The following LRP1B variants were observed in gnomAD, a reference collection of about 807,000 sequenced individuals.
LRP1B encodes the protein LDL receptor related protein 1B, also known as low-density lipoprotein receptor-related protein 1B.
Under a neutral mutation model 556.6 loss-of-function variants are expected in LRP1B, and 217 were observed. The observed-to-expected ratio is 0.39, with a 90% CI of 0.35 to 0.44. The LOEUF (loss-of-function observed/expected upper bound fraction) is 0.44. LRP1B is among the 20% of genes least tolerant of loss of function. The pLI, the probability that LRP1B is intolerant of heterozygous loss-of-function variation, is 1.00. For missense variants in LRP1B, 5,053 were observed against 5,620.8 expected, an observed-to-expected ratio of 0.90 and a Z score of 3.23; for synonymous variants, 2,047 against 1,865.8, an observed-to-expected ratio of 1.10 and a Z score of -2.50.
intron 7 of LRP1B, among the ~76,000 whole-genome samples, chr2:141,115,319 T>C (rs1001363665): frequency 6.6e-5 from 10 of 152,100 alleles, no homozygotes; most frequent in African/African-American, 2.4e-4. Flanking sequence ...GTGATAGGAA[T>C]AGACAAGGAT....
intron 1 of LRP1B, among the ~76,000 whole-genome samples, chr2:142,073,328 A>G (rs905923778): frequency 2.0e-5 from 3 of 152,046 alleles, no homozygotes; most frequent in African/African-American, 7.2e-5. Context: ...ATAGAGACCA[A>G]ATGTAAAATG....
At chr2:141,642,895 A>G (rs1274917842) in intron 2 of LRP1B, among the ~76,000 whole-genome samples, 1 of 152,152 alleles carries the variant, frequency 6.6e-6, no homozygotes, top group Non-Finnish European at 1.5e-5. Flanking sequence ...GGTTTATGCC[A>G]AATACAAGCT....
intron 2 of LRP1B, among the ~76,000 whole-genome samples, chr2:141,757,454 TA>T (rs1197695675): frequency 6.6e-6 from 1 of 152,132 alleles, no homozygotes; most frequent in Non-Finnish European, 1.5e-5. Context: ...AATGTTTGAG[TA>T]ATACAAAATG....
At chr2:141,191,435 T>C (rs1681500798) in intron 6 of LRP1B, among the ~76,000 whole-genome samples, 1 of 151,938 alleles carries the variant, frequency 6.6e-6, no homozygotes. Context: ...TGATGTTCTC[T>C]TAATAGTAAG....
intron 2 of LRP1B, among the ~76,000 whole-genome samples, chr2:141,629,269 G>T (rs906688657): frequency 1.1e-4 from 17 of 152,192 alleles, no homozygotes; most frequent in Non-Finnish European, 2.4e-4. Context: ...AAGGAAGATG[G>T]TGAGAAACCA....
intron 1 of LRP1B, among the ~76,000 whole-genome samples, chr2:141,978,081 C>T (rs1183668352): frequency 2.0e-5 from 3 of 151,916 alleles, no homozygotes; most frequent in African/African-American, 7.2e-5. Context: ...ATATTATTAT[C>T]CTGTATTAAT....
chr2:142,100,584 T>C (rs1179671837), intron 1 of LRP1B, among the ~76,000 whole-genome samples: 12 of 152,010 alleles, frequency 7.9e-5, no homozygotes. Flanking sequence ...TTAGAAACTA[T>C]AATTGACAGA....
chr2:142,054,023 G>A (rs149036198), intron 1 of LRP1B, among the ~76,000 whole-genome samples: 3 of 152,136 alleles, frequency 2.0e-5, no homozygotes, highest in East Asian at 1.9e-4. Context: ...AGAAACCCTC[G>A]ATCACACTTT....
At chr2:140,663,066 G>A (rs1179216664) in intron 41 of LRP1B, among the ~76,000 whole-genome samples, 1 of 152,074 alleles carries the variant, frequency 6.6e-6, no homozygotes, top group Non-Finnish European at 1.5e-5. Context: ...GAACATGATT[G>A]AACAGCACAC....
At chr2:140,242,348 T>C (rs1680983104) in intron 87 of LRP1B, among the ~76,000 whole-genome samples, 1 of 151,184 alleles carries the variant, frequency 6.6e-6, no homozygotes. Flanking sequence ...TTTCACAATA[T>C]AATGCATCAG....
chr2:141,664,733 T>C (rs1690357194), intron 2 of LRP1B, among the ~76,000 whole-genome samples: 1 of 152,188 alleles, frequency 6.6e-6, no homozygotes, highest in Non-Finnish European at 1.5e-5. Context: ...AAACACTCCA[T>C]GCTCATGGAT....
chr2:142,056,160 A>C (rs1434432410), intron 1 of LRP1B, among the ~76,000 whole-genome samples: 1 of 152,132 alleles, frequency 6.6e-6, no homozygotes, highest in Non-Finnish European at 1.5e-5. Context: ...CAGAAAAAAT[A>C]AAAAATAAAA....
intron 2 of LRP1B, among the ~76,000 whole-genome samples, chr2:141,507,032 G>A (rs901957979): frequency 7.9e-5 from 12 of 152,110 alleles, no homozygotes; most frequent in Non-Finnish European, 5.9e-5. Flanking sequence ...TTCTACAGAA[G>A]GTGTTTGATT....
At chr2:140,709,214 T>C (rs1006731621) in intron 37 of LRP1B, among the ~76,000 whole-genome samples, 1 of 152,074 alleles carries the variant, frequency 6.6e-6, no homozygotes, top group Non-Finnish European at 1.5e-5. Flanking sequence ...ATCCTGGTGC[T>C]TAAAAGGAAA....
chr2:140,969,066 T>G lies in LRP1B; in HGVS notation c.2887+13094A>C, dbSNP rs549263275. Among the ~76,000 whole-genome samples the G allele has an allele frequency of 2.0e-5, 3 of 152,288 alleles. No individual in the cohort carries two copies. In the East Asian group the frequency reaches 5.8e-4, roughly 29 times the overall value. On this transcript the variant is annotated intron_variant, in intron 18 of 90. Coordinates refer to ENST00000389484, the MANE Select transcript of LRP1B (RefSeq NM_018557.3). ...TAGGTCCACTTGGTGCAGAGTTGAG[T>G]TCAATTCCTGGATATCCTTGTTAAC...
At chr2:141,835,258 T>C (rs1397126017) in intron 1 of LRP1B, among the ~76,000 whole-genome samples, 5 of 151,994 alleles carry the variant, frequency 3.3e-5, no homozygotes, top group Non-Finnish European at 5.9e-5. Flanking sequence ...TCATCTTTTA[T>C]AGGTCCAGGA....
At chr2:141,871,877 C>G (rs1417067353) in intron 1 of LRP1B, among the ~76,000 whole-genome samples, 1 of 151,810 alleles carries the variant, frequency 6.6e-6, no homozygotes, top group Admixed American at 6.6e-5. Context: ...AAGTAGGAGA[C>G]TGAAAATACT....
intron 41 of LRP1B, among the ~76,000 whole-genome samples, chr2:140,602,658 A>G (rs1265787124): frequency 1.3e-5 from 2 of 152,008 alleles, no homozygotes; most frequent in African/African-American, 4.8e-5. Flanking sequence ...AAGATGAGTT[A>G]ATATTTAGTT....
At chr2:141,670,897 T>C (rs746455917) in intron 2 of LRP1B, among the ~76,000 whole-genome samples, 4 of 152,186 alleles carry the variant, frequency 2.6e-5, no homozygotes, top group Non-Finnish European at 5.9e-5. Flanking sequence ...CAATTTCATA[T>C]TTCTTCAAAA....
Sources: allele counts gnomAD v4.1 joint callset (sites outside exome capture counted in the v4.1 genomes callset), GRCh38; gene constraint gnomAD v4.1.1; transcripts MANE v1.5; gene names NCBI Gene and HGNC (gene_info 2026-07-23, HGNC 2026-07-21).